The following DPP8 variants were observed in gnomAD, a reference collection of about 807,000 sequenced individuals.
DPP8 encodes the protein DPP VIII.
DPP8 carries 31 observed loss-of-function variants against 107.5 expected under a neutral mutation model. The ratio of observed to expected loss-of-function variants is 0.29; its 90% CI spans 0.22 to 0.39. DPP8 has a LOEUF of 0.39. DPP8 is among the 10% of genes least tolerant of loss of function. The pLI, the probability that DPP8 is intolerant of heterozygous loss-of-function variation, is 1.00. For missense variants in DPP8, 842 were observed against 1,076.1 expected (o/e 0.78, Z 3.04); for synonymous variants, 381 against 356.6 (o/e 1.07, Z -0.77).
At chr15:65,500,576 C>G in intron 4 of DPP8, 30 bp downstream of exon 4, 1 of 1,599,634 alleles carries the variant, frequency 6.3e-7, no homozygotes, top group Non-Finnish European at 8.6e-7. Flanking sequence ...GGACCCAAAC[C>G]AGATTTAATC....
chr15:65,499,101 GTGTGTA>G (rs1317331999), intron 4 of DPP8, among the ~76,000 whole-genome samples: 1 of 138,908 alleles, frequency 7.2e-6, no homozygotes, highest in East Asian at 2.0e-4. Context: ...GTGTGTGTGT[GTGTGTA>G]TATATAAATT....
chr15:65,502,400 G>A (rs2069348132), intron 3 of DPP8, among the ~76,000 whole-genome samples: 1 of 151,972 alleles, frequency 6.6e-6, no homozygotes, highest in Admixed American at 6.6e-5. Context: ...GTTTGTGGCT[G>A]GGCGTGGTGG....
chr15:65,515,718 C>G, intron 1 of DPP8: 1 of 1,611,554 alleles, frequency 6.2e-7, no homozygotes, highest in Non-Finnish European at 8.5e-7. Context: ...TCAAGTGACT[C>G]GACTTCAAGC....
chr15:65,498,603 G>GT (rs1240217411), intron 4 of DPP8, among the ~76,000 whole-genome samples: 3 of 152,122 alleles, frequency 2.0e-5, no homozygotes, highest in African/African-American at 7.2e-5. Context: ...TGCCCAACCT[G>GT]TTTAAGAGAG....
At chr15:65,512,701 C>T (rs963812210) in intron 1 of DPP8, 137 bp from the exon 2 acceptor site, 1 of 805,970 alleles carries the variant, frequency 1.2e-6, no homozygotes, top group East Asian at 2.5e-5. Flanking sequence ...TGCAATGAAA[C>T]TTAGTAAGAA....
At chr15:65,516,430 T>C (rs1457311863) in intron 1 of DPP8, 2 of 149,376 alleles carry the variant, frequency 1.3e-5, no homozygotes, top group South Asian at 4.2e-4. Flanking sequence ...AATTCTGGCT[T>C]AGGAAAAAAA....
At chr15:65,476,558 G>C (rs771196834) in intron 11 of DPP8, among the ~76,000 whole-genome samples, 4 of 152,126 alleles carry the variant, frequency 2.6e-5, no homozygotes, top group Non-Finnish European at 4.4e-5. Context: ...ACTGTTAGTG[G>C]GAATGTAAAA....
intron 8 of DPP8, among the ~76,000 whole-genome samples, chr15:65,483,281 T>C (rs544438330): frequency 3.9e-5 from 6 of 152,100 alleles, no homozygotes; most frequent in South Asian, 2.1e-4. Context: ...TCCCAGCACT[T>C]TGGGAGGCTG....
chr15:65,512,092 A>G, intron 2 of DPP8: 2 of 709,106 alleles, frequency 2.8e-6, no homozygotes, highest in Non-Finnish European at 2.5e-6. Flanking sequence ...GATCATGATC[A>G]ATTAATGACT....
intron 1 of DPP8, among the ~76,000 whole-genome samples, chr15:65,513,958 G>C (rs982666252): frequency 6.6e-6 from 1 of 152,088 alleles, no homozygotes; most frequent in Non-Finnish European, 1.5e-5. Context: ...TGTGGACTTG[G>C]GAGATAAACT....
intron 10 of DPP8, among the ~76,000 whole-genome samples, chr15:65,479,765 A>T (rs929180458): frequency 6.7e-6 from 1 of 148,550 alleles, no homozygotes; most frequent in Non-Finnish European, 1.5e-5. Flanking sequence ...AATGGCGTGA[A>T]CCCGGGAAGC....
intron 19 of DPP8, among the ~76,000 whole-genome samples, chr15:65,448,877 T>TA: frequency 2.9e-5 from 1 of 34,212 alleles, no homozygotes; most frequent in African/African-American, 1.8e-4. Context: ...TATATATATA[T>TA]ATATATATAT....
Position 65,507,304 on chromosome 15 carries a change from T to G in DPP8, c.311A>C (p.Lys104Thr). 6.2e-7 allele frequency: 1 copy of G among 1,613,116 alleles called. No individual in the cohort carries two copies. Among genetic ancestry groups the G allele is most frequent in the Non-Finnish European group, 8.5e-7 (1 of 1,179,444 alleles). The change falls in exon 3 of 20, where the codon AAA becomes ACA. Residue 104 changes from lysine to threonine, a missense_variant. This residue lies in a region of DPP8 where 663 missense variants were observed against 758.0 expected (regional missense o/e 0.87). Transcript: ENST00000300141. The part of the protein sequence containing the change: ...ENTLFYSEIP[K>T]TINRAAVLML... ...TAAGACTGCTGCTCTATTGATAGTT[T>G]TGGGAATTTCAGAATAAAACAGTGT...
chr15:65,479,762 T>C, intron 10 of DPP8, among the ~76,000 whole-genome samples: 1 of 144,512 alleles, frequency 6.9e-6, no homozygotes, highest in East Asian at 2.0e-4. Flanking sequence ...GAGAATGGCG[T>C]GAACCCGGGA....
chr15:65,477,857 C>T (rs906551026), intron 11 of DPP8, among the ~76,000 whole-genome samples: 2 of 152,062 alleles, frequency 1.3e-5, no homozygotes, highest in African/African-American at 4.8e-5. Context: ...TAAAAAGGAC[C>T]ATGCCAAATC....
chr15:65,458,640 A>G (rs2064648295), intron 15 of DPP8: 1 of 152,150 alleles, frequency 6.6e-6, no homozygotes. Context: ...TTAGTGGGAA[A>G]TATCTGCTGC....
intron 2 of DPP8, among the ~76,000 whole-genome samples, chr15:65,510,084 C>T (rs1383965646): frequency 1.3e-5 from 2 of 152,044 alleles, no homozygotes; most frequent in Non-Finnish European, 2.9e-5. Flanking sequence ...CTAGCTGAGG[C>T]AGGCAGATTG....
intron 4 of DPP8, among the ~76,000 whole-genome samples, chr15:65,499,753 T>C (rs2069003024): frequency 6.6e-6 from 1 of 151,406 alleles, no homozygotes; most frequent in Non-Finnish European, 1.5e-5. Context: ...TTTGTAGAGA[T>C]GGGGTTTCGC....
chr15:65,484,951 A>T (rs550539810), intron 8 of DPP8, 148 bp downstream of exon 8: 1 of 656,086 alleles, frequency 1.5e-6, no homozygotes, highest in East Asian at 2.8e-5. Context: ...ATTTGCAAGT[A>T]AAAAATTAGG....
Sources: allele counts gnomAD v4.1 joint callset (sites outside exome capture counted in the v4.1 genomes callset), GRCh38; gene constraint gnomAD v4.1.1; regional missense constraint gnomAD v4.1.1; transcripts MANE v1.5; gene names NCBI Gene and HGNC (gene_info 2026-07-23, HGNC 2026-07-21).